NCAM2: variants seen among roughly 807,000 people sequenced by gnomAD.
NCAM2 encodes neural cell adhesion molecule 2.
In NCAM2, 30 loss-of-function variants were observed where a neutral mutation model predicts 98.1. The ratio of observed to expected loss-of-function variants is 0.31; its 90% CI spans 0.23 to 0.41. The LOEUF (loss-of-function observed/expected upper bound fraction) is 0.41, where lower values mean the gene tolerates loss of function less well. NCAM2 is among the 10% of genes least tolerant of loss of function. NCAM2 has a pLI of 1.00. For synonymous variants in NCAM2, 368 were observed against 342.4 expected (o/e 1.07, Z -0.83); for missense variants, 867 against 1,005.8 (o/e 0.86, Z 1.87).
rs764192649 is a variant in NCAM2, at chr21:21,284,710, AT to A, written c.337+320del. On this transcript the variant is annotated intron_variant, in intron 3 of 17. Coordinates refer to ENST00000400546, the MANE Select transcript of NCAM2 (RefSeq NM_004540.5). ...TTTAGTGGTATGATATTTATTCAGC[AT>A]TTTTTTTTTCACTGTAAAATAGAAG... is the stretch of plus-strand genomic sequence containing the variant. Among the ~76,000 whole-genome samples, 315 of 148,932 alleles carry A rather than the reference AT, an allele frequency of 2.1e-3. 4 individuals carry two copies. In the East Asian group the frequency reaches 0.029, roughly 14 times the overall value.
chr21:21,456,435 T>C (rs897115871), intron 12 of NCAM2, among the ~76,000 whole-genome samples: 2 of 152,194 alleles, frequency 1.3e-5, no homozygotes, highest in Non-Finnish European at 2.9e-5. Flanking sequence ...ATTCATTTTA[T>C]AGTGCTAGCA....
chr21:21,157,954 GA>G (rs2067665515), intron 1 of NCAM2, among the ~76,000 whole-genome samples: 1 of 152,120 alleles, frequency 6.6e-6, no homozygotes, highest in African/African-American at 2.4e-5. Context: ...TAATATGAGG[GA>G]ACCAAGTAGG....
chr21:21,291,321 A>G (rs746619337), intron 4 of NCAM2, among the ~76,000 whole-genome samples: 3 of 151,912 alleles, frequency 2.0e-5, no homozygotes, highest in Non-Finnish European at 4.4e-5. Context: ...AGGTTTTAGC[A>G]TGGCAGCAAG....
chr21:21,501,000 A>G (rs1297804778), intron 15 of NCAM2, among the ~76,000 whole-genome samples: 1 of 152,072 alleles, frequency 6.6e-6, no homozygotes, highest in Non-Finnish European at 1.5e-5. Flanking sequence ...ATTTTAAAAA[A>G]ATTATTTTTG....
At chr21:21,507,748 C>A (rs375335149) in intron 15 of NCAM2, among the ~76,000 whole-genome samples, 125 of 149,372 alleles carry the variant, frequency 8.4e-4, no homozygotes, top group African/African-American at 3.0e-3. Flanking sequence ...CGAGATCGCC[C>A]CACTGCACTC....
At chr21:21,405,815 G>A (rs889997168) in intron 9 of NCAM2, among the ~76,000 whole-genome samples, 14 of 152,068 alleles carry the variant, frequency 9.2e-5, no homozygotes, top group Non-Finnish European at 1.6e-4. Flanking sequence ...CAAAATGGAA[G>A]GCATTTTAAC....
intron 5 of NCAM2, among the ~76,000 whole-genome samples, chr21:21,301,861 A>G (rs2073726051): frequency 6.7e-6 from 1 of 149,086 alleles, no homozygotes; most frequent in Admixed American, 6.7e-5. Context: ...ACATGAAAAA[A>G]TGCTCATCAT....
At chr21:21,256,856 T>C (rs1414458016) in intron 1 of NCAM2, among the ~76,000 whole-genome samples, 1 of 152,204 alleles carries the variant, frequency 6.6e-6, no homozygotes, top group East Asian at 1.9e-4. Flanking sequence ...TTTCATAAAA[T>C]GTTACCTAAA....
At chr21:21,445,600 G>A (rs535852286) in intron 12 of NCAM2, among the ~76,000 whole-genome samples, 4 of 151,732 alleles carry the variant, frequency 2.6e-5, no homozygotes. Context: ...CCCTTCTTTT[G>A]TATTTTTTGA....
chr21:21,477,233 A>G lies in NCAM2; in HGVS notation c.1897-58A>G. 6 of 1,337,834 alleles carry G rather than the reference A, an allele frequency of 4.5e-6. No individual in the cohort carries two copies. In the South Asian group the frequency reaches 6.9e-5, roughly 15 times the overall value. 82.9% of individuals were successfully genotyped at this position (1,337,834 alleles called of 1,614,324 possible). A position where few individuals can be genotyped will look rare whatever the true frequency, so the allele number is the denominator to read the frequency against. On this transcript the variant is annotated intron_variant, in intron 14 of 17. Transcript: ENST00000400546. ...TTCCAATTCCAATATAATTTTTTTA[A>G]AAAGGTGTCACTTTAGTGTATGGAT...
At chr21:21,233,846 T>C (rs367703293) in intron 1 of NCAM2, among the ~76,000 whole-genome samples, 3 of 151,848 alleles carry the variant, frequency 2.0e-5, no homozygotes, top group South Asian at 4.1e-4. Context: ...TTTTGTTTGG[T>C]CTTAGAATAG....
intron 16 of NCAM2, among the ~76,000 whole-genome samples, chr21:21,520,570 T>C (rs1039920141): frequency 7.2e-5 from 11 of 152,118 alleles, no homozygotes; most frequent in Non-Finnish European, 1.3e-4. Flanking sequence ...ACCAAAACAA[T>C]ACTCCCGGTT....
At chr21:21,092,133 T>C (rs900716086) in intron 1 of NCAM2, among the ~76,000 whole-genome samples, 1 of 152,094 alleles carries the variant, frequency 6.6e-6, no homozygotes, top group Non-Finnish European at 1.5e-5. Flanking sequence ...AAATTGCCTG[T>C]GATCACAAGG....
At chr21:21,409,798 T>G (rs1385214533) in intron 9 of NCAM2, among the ~76,000 whole-genome samples, 1 of 152,184 alleles carries the variant, frequency 6.6e-6, no homozygotes. Flanking sequence ...TTTCGTGAGT[T>G]CTGATGCACT....
intron 14 of NCAM2, among the ~76,000 whole-genome samples, chr21:21,471,282 C>T (rs1033769537): frequency 6.6e-6 from 1 of 151,966 alleles, no homozygotes; most frequent in African/African-American, 2.4e-5. Context: ...TGTCTCTTCT[C>T]TTCTCCACCT....
Position 21,542,618 on chromosome 21 carries a change from T to C in NCAM2, c.*4661T>C, listed in dbSNP as rs930548132. 3 of 151,774 alleles carry C rather than the reference T, an allele frequency of 2.0e-5. No individual in the cohort carries two copies. The highest frequency in any genetic ancestry group is 4.4e-5 in the Non-Finnish European group (3 of 67,844). The allele number at this position is 151,774 out of a possible 1,614,324, so 9.4% of individuals were successfully genotyped here. A position where few individuals can be genotyped will look rare whatever the true frequency, so the allele number is the denominator to read the frequency against. ...AAGCAAAACCATCACTGTTGGAGAA[T>C]TTCAAATCACAACCCGACATAGGAG... is the stretch of plus-strand genomic sequence containing the variant. On this transcript the variant is annotated 3_prime_UTR_variant, in exon 18 of 18. Transcript: ENST00000400546.
intron 1 of NCAM2, among the ~76,000 whole-genome samples, chr21:21,034,248 T>C (rs1224950322): frequency 2.0e-5 from 3 of 152,164 alleles, no homozygotes; most frequent in Non-Finnish European, 4.4e-5. Context: ...CTATATGGTG[T>C]AAGCATACAC....
chr21:21,522,258 T>C (rs1989063116), intron 16 of NCAM2, among the ~76,000 whole-genome samples: 1 of 125,482 alleles, frequency 8.0e-6, no homozygotes, highest in Admixed American at 7.8e-5. Flanking sequence ...ATATGAATAC[T>C]ATATTTATAT....
chr21:21,157,004 C>T (rs919022008), intron 1 of NCAM2, among the ~76,000 whole-genome samples: 4 of 152,068 alleles, frequency 2.6e-5, no homozygotes. Context: ...AGTTTCTGCA[C>T]CCGCAGGTTT....
Sources: gnomAD v4.1 joint callset for allele counts (sites outside exome capture counted in the v4.1 genomes callset) on GRCh38, gnomAD v4.1.1 for gene constraint, MANE v1.5 for transcripts, NCBI Gene and HGNC (gene_info 2026-07-23, HGNC 2026-07-21) for gene names.